Variants in PTPRT observed in about 807,000 individuals in gnomAD.
PTPRT encodes the protein protein tyrosine phosphatase receptor type T, also known as receptor-type tyrosine-protein phosphatase T.
In PTPRT, 56 loss-of-function variants were observed where a neutral mutation model predicts 176.8. That is an observed-to-expected ratio of 0.32 (90% confidence interval 0.26 to 0.40). PTPRT has a LOEUF of 0.40. Ranked by LOEUF, PTPRT falls within the 10% of genes least tolerant of loss-of-function variation. PTPRT has a pLI of 1.00. For missense variants in PTPRT, 1,540 were observed against 1,908.2 expected (o/e 0.81, Z 3.60); for synonymous variants, 783 against 739.0 (o/e 1.06, Z -0.96).
intron 2 of PTPRT, among the ~76,000 whole-genome samples, chr20:42,883,708 C>CCTACACATG (rs1568658140): frequency 7.8e-6 from 1 of 128,642 alleles, no homozygotes; most frequent in African/African-American, 2.9e-5. Flanking sequence ...CCATACACCC[C>CCTACACATG]CATACACACA....
chr20:42,868,072 A>T (rs985826278), intron 2 of PTPRT, among the ~76,000 whole-genome samples: 2 of 152,174 alleles, frequency 1.3e-5, no homozygotes, highest in African/African-American at 4.8e-5. Context: ...TGTAACAAAT[A>T]CATAAAATGT....
chr20:42,976,421 A>T lies in PTPRT; in HGVS notation c.89-90489T>A, dbSNP rs938410115. On this transcript the variant is annotated intron_variant, in intron 1 of 30. Transcript: ENST00000373187. ...ATTTTTTATTTATTTTTTTTTTTTT[A>T]TTGAGACAGAGTCTCGCTCTGTCGC... Among the ~76,000 whole-genome samples, 133 of 144,878 alleles carry T rather than the reference A, an allele frequency of 9.2e-4. 1 individual carries two copies. Among genetic ancestry groups the T allele is most frequent in the East Asian group, 5.3e-3 (26 of 4,938 alleles).
the PTPRT span, among the ~76,000 whole-genome samples, chr20:42,061,601 T>C: frequency 6.6e-6 from 1 of 152,338 alleles, no homozygotes; most frequent in Non-Finnish European, 1.5e-5. Flanking sequence ...TAATTTTGCT[T>C]TGTCTTTGTA....
chr20:43,155,713 A>C (rs952339286), intron 1 of PTPRT, among the ~76,000 whole-genome samples: 16 of 152,344 alleles, frequency 1.1e-4, no homozygotes, highest in Middle Eastern at 3.4e-3. Context: ...TTTGTGAAGT[A>C]ATGCATTTGT....
intron 16 of PTPRT, among the ~76,000 whole-genome samples, chr20:42,184,519 C>CTTT (rs1241297926): frequency 1.0e-5 from 1 of 97,666 alleles, no homozygotes; most frequent in Non-Finnish European, 2.2e-5. Context: ...CCTCCTCCTC[C>CTTT]TTCTTCTTCT....
intron 17 of PTPRT, among the ~76,000 whole-genome samples, chr20:42,160,997 C>G (rs1217442966): frequency 6.6e-6 from 1 of 152,008 alleles, no homozygotes; most frequent in Non-Finnish European, 1.5e-5. Flanking sequence ...GGAGCTTGAG[C>G]CATTCTGGCA....
intron 1 of PTPRT, among the ~76,000 whole-genome samples, chr20:42,992,467 C>T (rs940980780): frequency 1.3e-5 from 2 of 152,204 alleles, no homozygotes; most frequent in Non-Finnish European, 2.9e-5. Flanking sequence ...AGCAAGGAAC[C>T]TAGCTGCCCT....
intron 7 of PTPRT, among the ~76,000 whole-genome samples, chr20:42,542,147 C>A (rs114423505): frequency 4.6e-5 from 7 of 151,908 alleles, no homozygotes; most frequent in African/African-American, 1.7e-4. Context: ...TGTGAGGTCT[C>A]CCAAGCCATG....
intron 6 of PTPRT, among the ~76,000 whole-genome samples, chr20:42,708,228 G>C (rs935108902): frequency 6.6e-6 from 1 of 152,088 alleles, no homozygotes; most frequent in Non-Finnish European, 1.5e-5. Context: ...AGGATTATTA[G>C]TTCAAAGTTG....
chr20:43,179,545 C>G (rs1333863438), intron 1 of PTPRT, among the ~76,000 whole-genome samples: 4 of 152,174 alleles, frequency 2.6e-5, no homozygotes, highest in Non-Finnish European at 5.9e-5. Context: ...TACAAAAACA[C>G]AGTCGTACTT....
chr20:43,037,168 T>G (rs1309636871), intron 1 of PTPRT, among the ~76,000 whole-genome samples: 1 of 152,212 alleles, frequency 6.6e-6, no homozygotes, highest in Non-Finnish European at 1.5e-5. Flanking sequence ...AATCTTTGCT[T>G]TAGCTCCCTG....
chr20:42,908,917 G>A (rs1245827578), intron 1 of PTPRT, among the ~76,000 whole-genome samples: 1 of 152,210 alleles, frequency 6.6e-6, no homozygotes, highest in Non-Finnish European at 1.5e-5. Flanking sequence ...AGCACTTTGA[G>A]AGGCCAAGGC....
intron 11 of PTPRT, among the ~76,000 whole-genome samples, chr20:42,335,896 G>C (rs2145453111): frequency 6.6e-6 from 1 of 152,316 alleles, no homozygotes; most frequent in African/African-American, 2.4e-5. Context: ...ACTCCAGACT[G>C]TGGGGCTAGA....
In PTPRT at chr20:42,858,074, A is replaced by G. The variant is rs915645414; in HGVS notation, c.214+27733T>C. ...TCAGTACATGTTTGTTGAATTCATG[A>G]ATACGTGTTCCTCTTCCATAGAGTC... On this transcript the variant is annotated intron_variant, in intron 2 of 30. Coordinates refer to ENST00000373187, the MANE Select transcript of PTPRT (RefSeq NM_007050.6). Among the ~76,000 whole-genome samples, 6 of 152,174 alleles carry G rather than the reference A, an allele frequency of 3.9e-5. No homozygotes were observed. The South Asian group carries it at 1.2e-3, about 32-fold the overall frequency.
At chr20:42,652,383 T>G (rs2075048503) in intron 7 of PTPRT, among the ~76,000 whole-genome samples, 1 of 152,160 alleles carries the variant, frequency 6.6e-6, no homozygotes, top group Non-Finnish European at 1.5e-5. Flanking sequence ...GTACCAGAGC[T>G]TAGAAGACAC....
chr20:43,139,252 C>G (rs189900773), intron 1 of PTPRT, among the ~76,000 whole-genome samples: 2 of 152,210 alleles, frequency 1.3e-5, no homozygotes, highest in South Asian at 4.1e-4. Flanking sequence ...GTCTTCTCCC[C>G]ACTCGATTGT....
intron 9 of PTPRT, among the ~76,000 whole-genome samples, chr20:42,354,055 A>G (rs2058324740): frequency 6.8e-6 from 1 of 146,810 alleles, no homozygotes; most frequent in African/African-American, 2.4e-5. Context: ...CCCTGTCTCT[A>G]AAAAATTAAA....
intron 1 of PTPRT, among the ~76,000 whole-genome samples, chr20:43,028,677 T>C (rs1986017357): frequency 6.6e-6 from 1 of 152,158 alleles, no homozygotes; most frequent in Non-Finnish European, 1.5e-5. Flanking sequence ...CTACTTCCTT[T>C]GTCCTGGGCA....
At chr20:42,790,350 A>C (rs1452191845) in intron 3 of PTPRT, among the ~76,000 whole-genome samples, 1 of 152,236 alleles carries the variant, frequency 6.6e-6, no homozygotes, top group African/African-American at 2.4e-5. Flanking sequence ...CAAGGAGATA[A>C]GGAAGGAAAG....
Sources: gnomAD v4.1 joint callset for allele counts (sites outside exome capture counted in the v4.1 genomes callset) on GRCh38, gnomAD v4.1.1 for gene constraint, MANE v1.5 for transcripts, NCBI Gene and HGNC (gene_info 2026-07-23, HGNC 2026-07-21) for gene names.